GNPTAB: variants seen among roughly 807,000 people sequenced by gnomAD.
The protein encoded by GNPTAB is N-acetylglucosamine-1-phosphotransferase subunits alpha/beta.
Under a neutral mutation model 136.6 loss-of-function variants are expected in GNPTAB, and 92 were observed. That is an observed-to-expected ratio of 0.67 (90% CI 0.57 to 0.80). The LOEUF is 0.80. Among genes scored for constraint, GNPTAB ranks in the 30% least tolerant of loss-of-function variants. The pLI is 0.00. For synonymous variants in GNPTAB, 512 were observed against 535.1 expected (o/e 0.96, Z 0.60); for missense variants, 1,343 against 1,501.8 (o/e 0.89, Z 1.75).
intron 15 of GNPTAB, among the ~76,000 whole-genome samples, chr12:101,760,559 A>G (rs1207239898): frequency 6.6e-6 from 1 of 152,150 alleles, no homozygotes; most frequent in Non-Finnish European, 1.5e-5. Context: ...TCTCATATGC[A>G]GGTATGGTCT....
chr12:101,766,202 T>C lies in GNPTAB; in HGVS notation c.1501A>G (p.Ser501Gly), dbSNP rs750175670. The stretch of plus-strand genomic sequence containing the variant: ...CATCCCTGATTACAGTAAGAGACAC[T>C]GTTTATTCCTCCACCAAACTGCCAG... ...QPWQFGGGIN[S>G]VSYCNQGCAN... Residue 501 changes from serine (S) to glycine (G), a missense_variant, in exon 12 of 21, where the codon AGT becomes GGT. By Grantham distance (56) the Ser-to-Gly change is moderately conservative. Transcript: ENST00000299314. 1.9e-6 allele frequency: 3 copies of C among 1,614,136 alleles called. No homozygotes were observed. The South Asian group carries it at 3.3e-5, about 18-fold the overall frequency.
At chr12:101,800,975 T>G (rs61938180) in intron 1 of GNPTAB, among the ~76,000 whole-genome samples, 10,209 of 152,024 alleles carry the variant, frequency 0.067, 429 homozygotes, top group East Asian at 0.12. Context: ...GGCTGACGCC[T>G]GTAAAGCCAG....
At chr12:101,802,199 TAAAAAAAAAAA>T (rs112485347) in intron 1 of GNPTAB, among the ~76,000 whole-genome samples, 1 of 108,210 alleles carries the variant, frequency 9.2e-6, no homozygotes, top group Non-Finnish European at 1.9e-5. Flanking sequence ...CCCTGTCTCT[TAAAAAAAAAAA>T]AAAAAAAGAA....
rs11111025 is a variant in GNPTAB, at chr12:101,791,576, A to G, written c.204-1519T>C. Among the ~76,000 whole-genome samples the G allele has an allele frequency of 1.1e-3, 160 of 152,082 alleles. 2 individuals carry two copies. The East Asian group carries it at 0.029, about 28-fold the overall frequency. On this transcript the variant is annotated intron_variant, in intron 2 of 20. Coordinates refer to ENST00000299314, the MANE Select transcript of GNPTAB (RefSeq NM_024312.5). ...AGCCGTCCTTGGCCACATACGGCCC[A>G]CAGGTTGGGCAAATTTTCTTTAGAT... is the stretch of plus-strand genomic sequence containing the variant.
chr12:101,776,317 G>A (rs928210969), intron 7 of GNPTAB, among the ~76,000 whole-genome samples: 9 of 152,166 alleles, frequency 5.9e-5, no homozygotes, highest in African/African-American at 1.9e-4. Flanking sequence ...TGAAAATAAG[G>A]ACTGATGATC....
chr12:101,812,986 G>T (rs1364523146), intron 1 of GNPTAB, among the ~76,000 whole-genome samples: 8 of 117,536 alleles, frequency 6.8e-5, no homozygotes, highest in Admixed American at 8.7e-5. Flanking sequence ...TTTTGTGTGT[G>T]TTTTTTTTTT....
chr12:101,811,380 TTTC>T (rs1236339034), intron 1 of GNPTAB, among the ~76,000 whole-genome samples: 7 of 88,390 alleles, frequency 7.9e-5, no homozygotes, highest in African/African-American at 4.4e-4. Flanking sequence ...CACATAATTT[TTTC>T]TTTTTTTTTT....
chr12:101,774,037 T>C (rs1361094320), intron 7 of GNPTAB, among the ~76,000 whole-genome samples: 1 of 152,232 alleles, frequency 6.6e-6, no homozygotes, highest in Non-Finnish European at 1.5e-5. Flanking sequence ...TTTTTAGCCA[T>C]TGAGATTCCA....
intron 5 of GNPTAB, 31 bp downstream of exon 5, chr12:101,785,981 T>C (rs775239383): frequency 1.4e-6 from 2 of 1,459,338 alleles, no homozygotes; most frequent in Non-Finnish European, 9.6e-7. Context: ...AATGATAACA[T>C]GATTTTAAAA....
intron 1 of GNPTAB, among the ~76,000 whole-genome samples, chr12:101,819,508 GA>G (rs1000618147): frequency 1.3e-3 from 192 of 152,146 alleles, no homozygotes; most frequent in African/African-American, 4.3e-3. Flanking sequence ...TGAAGGGGGG[GA>G]AAAAGGTTTA....
Position 101,764,346 on chromosome 12 carries a change from T to C in GNPTAB, c.2571A>G (p.Lys857=). 1.2e-6 allele frequency: 2 copies of C among 1,614,130 alleles called. No homozygotes were observed. Among genetic ancestry groups the C allele is most frequent in the South Asian group, 2.2e-5 (2 of 91,072 alleles). Residue 857 remains lysine (K), a synonymous_variant, in exon 13 of 21, where the codon AAA becomes AAG. Coordinates refer to ENST00000299314, the MANE Select transcript of GNPTAB (RefSeq NM_024312.5). ...TKEKKITGKE[K]ENSRMEENAE... is the part of the protein sequence containing the mutation. Reference sequence around the variant, plus strand: ...CATTTTCCTCCATTCTACTGTTCTCTTTTTCTTTCCCTGTGATTTTCTTTT... The same window carrying C: ...CATTTTCCTCCATTCTACTGTTCTCCTTTTCTTTCCCTGTGATTTTCTTTT...
intron 19 of GNPTAB, among the ~76,000 whole-genome samples, chr12:101,753,035 C>T (rs1338401194): frequency 2.0e-5 from 3 of 151,980 alleles, no homozygotes; most frequent in African/African-American, 7.2e-5. Flanking sequence ...GGCGGATCAC[C>T]TGAGGTCAGG....
intron 7 of GNPTAB, among the ~76,000 whole-genome samples, chr12:101,774,616 A>G (rs1594224908): frequency 6.6e-6 from 1 of 152,250 alleles, no homozygotes; most frequent in African/African-American, 2.4e-5. Flanking sequence ...GAATTGAAAA[A>G]GCAGTGTAAA....
rs545549083 is a variant in GNPTAB at position 101,820,145 on chromosome 12, C to A, written c.117+10414G>T. ...CGCAAGATGTCTTACATACATTAGG[C>A]ACCTCACTTAAACTACTCTTCCTAA... On this transcript the variant is annotated intron_variant, in intron 1 of 20. Coordinates refer to ENST00000299314, the MANE Select transcript of GNPTAB (RefSeq NM_024312.5). Among the ~76,000 whole-genome samples the A allele has an allele frequency of 2.0e-5, 3 of 152,352 alleles. No homozygotes were observed. The South Asian group carries it at 6.2e-4, about 32-fold the overall frequency.
intron 19 of GNPTAB, among the ~76,000 whole-genome samples, chr12:101,752,387 T>C (rs539041729): frequency 6.6e-6 from 1 of 152,326 alleles, no homozygotes; most frequent in African/African-American, 2.4e-5. Context: ...ATCATGCCAC[T>C]GCACTCCAGC....
Position 101,764,879 on chromosome 12 carries a change from T to G in GNPTAB, c.2038A>C (p.Arg680=). 1 of 1,614,180 alleles carries G rather than the reference T, an allele frequency of 6.2e-7. No homozygotes were observed. ...PKEKRFPKFK[R]HDVNSTRRAQ... ...CTCCTTGTTGAGTTAACATCATGTC[T>G]CTTAAACTTCGGGAAGCGTTTTTCT... Residue 680 remains arginine (R), a synonymous_variant, in exon 13 of 21, where the codon AGA becomes CGA. Transcript: ENST00000299314.
chr12:101,788,694 A>C, intron 3 of GNPTAB, 105 bp from the exon 4 acceptor site: 1 of 718,230 alleles, frequency 1.4e-6, no homozygotes, highest in Non-Finnish European at 2.6e-6. Flanking sequence ...TTTTATTAGT[A>C]AAACATGGTA....
At chr12:101,788,481 A>G (rs1868796021) in intron 4 of GNPTAB, 67 bp downstream of exon 4, 1 of 957,422 alleles carries the variant, frequency 1.0e-6, no homozygotes, top group Non-Finnish European at 1.7e-6. Flanking sequence ...AATAAAAACA[A>G]ATGATAATCT....
intron 11 of GNPTAB, 66 bp downstream of exon 11, chr12:101,767,971 T>A: frequency 1.3e-6 from 2 of 1,515,188 alleles, no homozygotes; most frequent in Non-Finnish European, 1.8e-6. Context: ...ATAGCACATG[T>A]TCAATAATGA....
Sources: gnomAD v4.1 joint callset for allele counts (sites outside exome capture counted in the v4.1 genomes callset) on GRCh38, gnomAD v4.1.1 for gene constraint, MANE v1.5 for transcripts, NCBI Gene and HGNC (gene_info 2026-07-23, HGNC 2026-07-21) for gene names.